Variants in TMEM130 observed in about 807,000 individuals in gnomAD.
TMEM130 encodes the protein transmembrane protein 130.
In TMEM130, 37 loss-of-function variants were observed where a neutral mutation model predicts 42.9. The ratio of observed to expected loss-of-function variants is 0.86; its 90% CI spans 0.66 to 1.13. TMEM130 has a LOEUF of 1.13. Ranked by LOEUF, TMEM130 falls within the 50% of genes most tolerant of loss-of-function variation. The pLI is 0.00. For synonymous variants in TMEM130, 259 were observed against 237.7 expected (o/e 1.09, Z -0.82); for missense variants, 545 against 562.6 (o/e 0.97, Z 0.32).
At position 98,869,248 on chromosome 7, in the gene TMEM130, C is replaced by A; in HGVS notation, c.85+529G>T. The A allele has an allele frequency of 1.6e-6, 2 of 1,289,136 alleles. No individual in the cohort carries two copies. The highest frequency in any genetic ancestry group is 2.5e-5 in the South Asian group (2 of 80,990). 79.9% of individuals were successfully genotyped at this position (1,289,136 alleles called of 1,614,324 possible). Reference sequence around the variant, plus strand: ...CCGGGTCCATTTTGGAAATCACCACCAGAGAGGAAATGGCAGCCTGGCCTC... The same window carrying A: ...CCGGGTCCATTTTGGAAATCACCACAAGAGAGGAAATGGCAGCCTGGCCTC... On this transcript the variant is annotated intron_variant, in intron 1 of 7. Transcript: ENST00000339375. This position sits in a 1 kb window ranked among gnomAD's most constrained non-coding sequence, Gnocchi z 4.7.
chr7:98,850,273 A>ATTTTTTTTTTTTT (rs1554398023), intron 6 of TMEM130, among the ~76,000 whole-genome samples: 1 of 35,470 alleles, frequency 2.8e-5, no homozygotes, highest in Non-Finnish European at 6.3e-5. Flanking sequence ...ATATATATAT[A>ATTTTTTTTTTTTT]TTTTTTTTTT....
intron 3 of TMEM130, among the ~76,000 whole-genome samples, 161 bp from the exon 4 acceptor site, chr7:98,856,344 G>A (rs1794633373): frequency 1.3e-5 from 2 of 152,192 alleles, no homozygotes; most frequent in South Asian, 4.1e-4. Flanking sequence ...CCTAGAGCCA[G>A]CCAGGGCTCC....
intron 3 of TMEM130, among the ~76,000 whole-genome samples, chr7:98,857,749 G>T (rs1490974785): frequency 1.6e-4 from 23 of 140,446 alleles, no homozygotes; most frequent in Non-Finnish European, 2.1e-4. Flanking sequence ...TTTTGAGAGG[G>T]AGTCTCATTC....
rs562608533 is a variant in TMEM130 at position 98,868,825 on chromosome 7, ACAAGAGAC to A, written c.85+944_85+951del. 6.1e-3 allele frequency among the ~76,000 whole-genome samples: 933 copies of A among 152,332 alleles called. 8 individuals are homozygous for A. Among genetic ancestry groups the A allele is most frequent in the Non-Finnish European group, 9.1e-3 (619 of 68,034 alleles). The stretch of plus-strand genomic sequence containing the variant: ...TCTCTGACACAAATCAACCTGATGG[ACAAGAGAC>A]CCCTTTCCTGTATTTCCAGGAGGAA... On this transcript the variant is annotated intron_variant, in intron 1 of 7. Coordinates refer to ENST00000339375, the MANE Select transcript of TMEM130 (RefSeq NM_152913.3).
At chr7:98,861,589 C>T (rs1284950373) in intron 2 of TMEM130, among the ~76,000 whole-genome samples, 1 of 152,044 alleles carries the variant, frequency 6.6e-6, no homozygotes, top group Non-Finnish European at 1.5e-5. Context: ...GTGGCCAGCA[C>T]CTGTAGTCCC....
intron 1 of TMEM130, 69 bp from the exon 2 acceptor site, chr7:98,863,469 G>T: frequency 7.1e-7 from 1 of 1,415,434 alleles, no homozygotes; most frequent in East Asian, 2.4e-5. Context: ...GCCACCTCTG[G>T]GCTGGCATCA....
chr7:98,853,852 C>T (rs1168897226), intron 5 of TMEM130, among the ~76,000 whole-genome samples: 6 of 152,154 alleles, frequency 3.9e-5, no homozygotes, highest in South Asian at 2.1e-4. Flanking sequence ...GATCTGCTTC[C>T]GTGTCATGCG....
At chr7:98,862,499 T>A (rs1413991743) in intron 2 of TMEM130, among the ~76,000 whole-genome samples, 1 of 133,918 alleles carries the variant, frequency 7.5e-6, no homozygotes, top group Non-Finnish European at 1.6e-5. Flanking sequence ...TTTTTTTTTT[T>A]TTTTTTTTTT....
rs1794971820 is a variant in TMEM130 at position 98,869,161 on chromosome 7, G to C, written c.85+616C>G. 1 of 1,274,628 alleles carries C rather than the reference G, an allele frequency of 7.8e-7. No individual in the cohort carries two copies. The highest frequency in any genetic ancestry group is 2.5e-5 in the Admixed American group (1 of 40,656). 79.0% of individuals were successfully genotyped at this position (1,274,628 alleles called of 1,614,324 possible). ...TGGCGGTGGGGAAGTGGGGGCAGTA[G>C]ACACACAACCCTGCTTCCCCCACTC... On this transcript the variant is annotated intron_variant, in intron 1 of 7. Transcript: ENST00000339375. The surrounding 1 kb of genome is among the most constrained non-coding windows in gnomAD (Gnocchi z 4.7).
At position 98,869,293 on chromosome 7, in the gene TMEM130, C is replaced by T. The variant is rs1156558146; in HGVS notation, c.85+484G>A. ...GGCCTCCTGGGCTCTAAATTCGCAT[C>T]TCCCCAAAGCCAGCACCAACACGGT... On this transcript the variant is annotated intron_variant, in intron 1 of 7. Coordinates refer to ENST00000339375, the MANE Select transcript of TMEM130 (RefSeq NM_152913.3). This position sits in a 1 kb window ranked among gnomAD's most constrained non-coding sequence, Gnocchi z 4.7. 1.5e-5 allele frequency: 19 copies of T among 1,286,764 alleles called. No homozygotes were observed. The highest frequency in any genetic ancestry group is 1.5e-5 in the Non-Finnish European group (15 of 987,842). The allele number at this position is 1,286,764 out of a possible 1,614,324, so 79.7% of individuals were successfully genotyped here. A position where few individuals can be genotyped will look rare whatever the true frequency, so the allele number is the denominator to read the frequency against.
chr7:98,861,443 G>A (rs912779320), intron 2 of TMEM130, among the ~76,000 whole-genome samples: 14 of 152,180 alleles, frequency 9.2e-5, no homozygotes, highest in African/African-American at 1.7e-4. Context: ...GGTGGGGCAC[G>A]GTGGCTCACA....
chr7:98,860,342 G>GGA lies in TMEM130; in HGVS notation c.392-6_392-5dup, dbSNP rs782453294. ...ACAAGGTCCCCCACGAGGAACTCTG[G>GGA]GAGAGAGAGAGACACGGGAGGGTGA... On this transcript the variant is annotated splice_region_variant and splice_polypyrimidine_tract_variant and intron_variant, in intron 2 of 7. Transcript: ENST00000339375. 193 of 1,581,594 alleles carry GGA rather than the reference G, an allele frequency of 1.2e-4. No individual in the cohort carries two copies. Among genetic ancestry groups the GGA allele is most frequent in the East Asian group, 2.3e-4 (10 of 43,488 alleles).
intron 5 of TMEM130, among the ~76,000 whole-genome samples, chr7:98,853,281 CT>C (rs1794553134): frequency 6.6e-6 from 1 of 152,172 alleles, no homozygotes; most frequent in African/African-American, 2.4e-5. Flanking sequence ...GCATTGCTCA[CT>C]CTCTGTCTGG....
At chr7:98,860,487 C>T in intron 2 of TMEM130, 149 bp from the exon 3 acceptor site, 2 of 757,634 alleles carry the variant, frequency 2.6e-6, no homozygotes, top group Non-Finnish European at 4.2e-6. Context: ...GGGACACCCC[C>T]CTACAACTCC....
chr7:98,855,320 G>C lies in TMEM130; in HGVS notation c.723C>G (p.Thr241=). 1.9e-6 allele frequency: 3 copies of C among 1,612,180 alleles called. No individual in the cohort carries two copies. The highest frequency in any genetic ancestry group is 1.3e-5 in the African/African-American group (1 of 75,004). ...GCCCCAACACTTGGATGCCTCGAAG[G>C]GTTTCTGTAAGGCAGAGAGAACCCC... The part of the protein sequence containing the change: ...DFSASLKLQE[T]LRGIQVLGPT... Residue 241 remains threonine, a synonymous_variant, in exon 5 of 8, where the codon ACC becomes ACG. Transcript: ENST00000339375.
Position 98,869,289 on chromosome 7 carries a change from G to T in TMEM130, c.85+488C>A. On this transcript the variant is annotated intron_variant, in intron 1 of 7. Transcript: ENST00000339375. The surrounding 1 kb of genome is among the most constrained non-coding windows in gnomAD (Gnocchi z 4.7). Reference sequence around the variant, plus strand: ...GCCTGGCCTCCTGGGCTCTAAATTCGCATCTCCCCAAAGCCAGCACCAACA... The same window carrying T: ...GCCTGGCCTCCTGGGCTCTAAATTCTCATCTCCCCAAAGCCAGCACCAACA... 1.6e-6 allele frequency: 2 copies of T among 1,286,804 alleles called. No homozygotes were observed. The highest frequency in any genetic ancestry group is 2.5e-5 in the South Asian group (2 of 80,658). The allele number at this position is 1,286,804 out of a possible 1,614,324, so 79.7% of individuals were successfully genotyped here.
chr7:98,866,598 G>T (rs1251478056), intron 1 of TMEM130: 3 of 152,204 alleles, frequency 2.0e-5, no homozygotes, highest in African/African-American at 7.2e-5. Flanking sequence ...GTAGAAGCAG[G>T]AATCGAGGGG....
chr7:98,869,171 C>G lies in TMEM130; in HGVS notation c.85+606G>C. The G allele has an allele frequency of 7.8e-7, 1 of 1,282,140 alleles. No homozygotes were observed. Among genetic ancestry groups the G allele is most frequent in the Non-Finnish European group, 1.0e-6 (1 of 985,750 alleles). The allele number at this position is 1,282,140 out of a possible 1,614,324, so 79.4% of individuals were successfully genotyped here. On this transcript the variant is annotated intron_variant, in intron 1 of 7. Coordinates refer to ENST00000339375, the MANE Select transcript of TMEM130 (RefSeq NM_152913.3). This position sits in a 1 kb window ranked among gnomAD's most constrained non-coding sequence, Gnocchi z 4.7. The stretch of plus-strand genomic sequence containing the variant: ...GAAGTGGGGGCAGTAGACACACAAC[C>G]CTGCTTCCCCCACTCCCCCACCCAC...
chr7:98,868,645 GAGA>G (rs140345426), intron 1 of TMEM130, among the ~76,000 whole-genome samples: 1,819 of 152,318 alleles, frequency 0.012, 12 homozygotes, highest in Non-Finnish European at 0.016. Context: ...ACGGGTGAGG[GAGA>G]AGATGTTTCC....
Sources: allele counts gnomAD v4.1 joint callset (sites outside exome capture counted in the v4.1 genomes callset), GRCh38; gene constraint gnomAD v4.1.1; non-coding constraint Gnocchi (gnomAD v3.1); transcripts MANE v1.5; gene names NCBI Gene and HGNC (gene_info 2026-07-23, HGNC 2026-07-21).